The following PTER variants were observed in gnomAD, a reference collection of about 807,000 sequenced individuals.
PTER encodes the protein N-acetyltaurine hydrolase.
PTER carries 38 observed loss-of-function variants against 29.6 expected under a neutral mutation model. That is an observed-to-expected ratio of 1.28 (90% CI 0.99 to 1.68). The LOEUF is 1.68. PTER is among the 40% of genes most tolerant of loss of function. PTER has a pLI of 0.00. For synonymous variants in PTER, 172 were observed against 154.5 expected, an observed-to-expected ratio of 1.11 and a Z score of -0.84; for missense variants, 482 against 427.8, an observed-to-expected ratio of 1.13 and a Z score of -1.12.
chr10:16,508,553 A>G (rs75959780), intron 4 of PTER, among the ~76,000 whole-genome samples: 2,363 of 152,264 alleles, frequency 0.016, 61 homozygotes, highest in African/African-American at 0.054. Flanking sequence ...AGGAGATAGA[A>G]GGGTCAGATG....
chr10:16,514,071 C>A, downstream of PTER: 1 of 367,504 alleles, frequency 2.7e-6, no homozygotes. Flanking sequence ...TCAATTAGAC[C>A]TTCTCCTGCA....
chr10:16,498,271 G>T (rs992037762), intron 3 of PTER, among the ~76,000 whole-genome samples: 5 of 152,184 alleles, frequency 3.3e-5, no homozygotes, highest in African/African-American at 1.2e-4. Flanking sequence ...GAGTAAGAAA[G>T]AATAGAATTA....
intron 1 of PTER, among the ~76,000 whole-genome samples, chr10:16,479,740 C>T (rs1296077269): frequency 6.6e-6 from 1 of 151,960 alleles, no homozygotes; most frequent in Non-Finnish European, 1.5e-5. Flanking sequence ...TTGCCATCTA[C>T]ACTGGTGTCA....
intron 1 of PTER, among the ~76,000 whole-genome samples, chr10:16,473,439 G>T (rs1386520722): frequency 7.1e-6 from 1 of 140,148 alleles, no homozygotes; most frequent in Non-Finnish European, 1.5e-5. Flanking sequence ...CCTAGCGCTT[G>T]AACCCGGGAG....
chr10:16,508,070 C>CTTTTTTTTTTTTTTT (rs56800279), intron 4 of PTER, among the ~76,000 whole-genome samples: 11 of 127,872 alleles, frequency 8.6e-5, no homozygotes, highest in African/African-American at 2.1e-4. Flanking sequence ...TTTTCTTTTT[C>CTTTTTTTTTTTTTTT]TTTTTTTTTT....
chr10:16,491,715 C>T (rs913246952), intron 3 of PTER, among the ~76,000 whole-genome samples: 3 of 152,058 alleles, frequency 2.0e-5, no homozygotes, highest in South Asian at 2.1e-4. Flanking sequence ...ATAATCAGGC[C>T]GTCGCTGTGC....
At chr10:16,453,495 A>C (rs1336515314) in intron 1 of PTER, among the ~76,000 whole-genome samples, 1 of 152,194 alleles carries the variant, frequency 6.6e-6, no homozygotes, top group Non-Finnish European at 1.5e-5. Context: ...TAAAGACACC[A>C]TTATTGTATA....
intron 1 of PTER, among the ~76,000 whole-genome samples, chr10:16,475,274 A>G (rs11254008): frequency 0.17 from 25,966 of 152,068 alleles, 4,237 homozygotes; most frequent in African/African-American, 0.43. Flanking sequence ...AGATTCTGCC[A>G]GTTGCATTTA....
At chr10:16,501,596 T>C (rs1836353795) in intron 3 of PTER, among the ~76,000 whole-genome samples, 1 of 152,174 alleles carries the variant, frequency 6.6e-6, no homozygotes, top group Non-Finnish European at 1.5e-5. Flanking sequence ...ATACTACCCT[T>C]TGATGGTAAA....
chr10:16,458,052 T>C (rs1474576435), intron 1 of PTER, among the ~76,000 whole-genome samples: 1 of 152,246 alleles, frequency 6.6e-6, no homozygotes, highest in South Asian at 2.1e-4. Flanking sequence ...AGAGAGGGTC[T>C]GACCCAATTT....
downstream of PTER, chr10:16,514,594 C>G (rs1836918769): frequency 6.2e-7 from 1 of 1,613,798 alleles, no homozygotes; most frequent in African/African-American, 1.3e-5. Context: ...CATGGGCTTT[C>G]CCGCCATCTA....
chr10:16,497,559 A>G (rs963441619), intron 3 of PTER, among the ~76,000 whole-genome samples: 1 of 152,202 alleles, frequency 6.6e-6, no homozygotes, highest in South Asian at 2.1e-4. Flanking sequence ...GTGTGTTTCA[A>G]TGTGTGAAAT....
At chr10:16,485,088 C>T (rs1439995965) in intron 2 of PTER, among the ~76,000 whole-genome samples, 9 of 152,182 alleles carry the variant, frequency 5.9e-5, no homozygotes, top group Admixed American at 4.6e-4. Context: ...CAAAATCCAA[C>T]GTGATAATAG....
At chr10:16,489,590 A>C (rs1424714022) in intron 3 of PTER, among the ~76,000 whole-genome samples, 1 of 151,554 alleles carries the variant, frequency 6.6e-6, no homozygotes, top group Non-Finnish European at 1.5e-5. Context: ...TCTGGTAGGC[A>C]GTTGTGGCAC....
chr10:16,492,093 G>C (rs996782437), intron 3 of PTER, among the ~76,000 whole-genome samples: 1 of 152,156 alleles, frequency 6.6e-6, no homozygotes, highest in African/African-American at 2.4e-5. Context: ...TCATGTGACC[G>C]TTGGTGACCT....
chr10:16,504,930 T>G, intron 3 of PTER, 90 bp from the exon 4 acceptor site: 1 of 1,430,394 alleles, frequency 7.0e-7, no homozygotes, highest in African/African-American at 1.4e-5. Context: ...ATGTTCTTGT[T>G]CTTGTACATT....
downstream of PTER, chr10:16,514,831 A>T: frequency 1.5e-6 from 1 of 687,356 alleles, no homozygotes; most frequent in Non-Finnish European, 2.4e-6. Flanking sequence ...AGCAAAGTCC[A>T]TGTTGACCTC....
chr10:16,472,579 G>A (rs1000274489), intron 1 of PTER, among the ~76,000 whole-genome samples: 1 of 152,108 alleles, frequency 6.6e-6, no homozygotes, highest in East Asian at 1.9e-4. Context: ...ATATGGAATT[G>A]TGAGTCCATT....
chr10:16,458,489 TATA>T (rs1402328452), intron 1 of PTER, among the ~76,000 whole-genome samples: 1 of 152,216 alleles, frequency 6.6e-6, no homozygotes, highest in Non-Finnish European at 1.5e-5. Context: ...AACAGGAGAT[TATA>T]ATGACACAAT....
Sources: allele counts gnomAD v4.1 joint callset (sites outside exome capture counted in the v4.1 genomes callset), GRCh38; gene constraint gnomAD v4.1.1; transcripts MANE v1.5; gene names NCBI Gene and HGNC (gene_info 2026-07-23, HGNC 2026-07-21).